KCNN1: variants seen among roughly 807,000 people sequenced by gnomAD.
The protein encoded by KCNN1 is small conductance calcium-activated potassium channel protein 1.
KCNN1 carries 20 observed loss-of-function variants against 44.7 expected under a neutral mutation model. The observed-to-expected ratio is 0.45, with a 90% confidence interval of 0.32 to 0.65. The LOEUF (loss-of-function observed/expected upper bound fraction) is 0.65, where lower values mean the gene tolerates loss of function less well. Among genes scored for constraint, KCNN1 ranks in the 30% least tolerant of loss-of-function variants. The probability of loss-of-function intolerance (pLI) is 0.05; values close to 1 mark genes in which losing one functional copy is unlikely to be tolerated. For synonymous variants in KCNN1, 324 were observed against 341.7 expected (o/e 0.95, Z 0.57); for missense variants, 632 against 785.3 (o/e 0.80, Z 2.33).
At chr19:17,991,742 T>C (rs1370449584) in intron 7 of KCNN1, among the ~76,000 whole-genome samples, 1 of 152,178 alleles carries the variant, frequency 6.6e-6, no homozygotes, top group Non-Finnish European at 1.5e-5. Flanking sequence ...TTGAGTCCAA[T>C]ATGCAGCCAG....
chr19:17,951,589 C>T (rs2031409488), intron 1 of KCNN1, among the ~76,000 whole-genome samples: 1 of 152,156 alleles, frequency 6.6e-6, no homozygotes, highest in South Asian at 2.1e-4. Flanking sequence ...CACCCAAGCC[C>T]GGGCCAGTCA....
chr19:17,983,333 A>G lies in KCNN1; in HGVS notation c.917+1206A>G, dbSNP rs1018674191. 2.6e-5 allele frequency among the ~76,000 whole-genome samples: 4 copies of G among 152,088 alleles called. No homozygotes were observed. Among genetic ancestry groups the G allele is most frequent in the Non-Finnish European group, 4.4e-5 (3 of 67,970 alleles). On this transcript the variant is annotated intron_variant, in intron 4 of 9. Coordinates refer to ENST00000684775, the MANE Select transcript of KCNN1 (RefSeq NM_001386974.1). The surrounding 1 kb of genome is among the most constrained non-coding windows in gnomAD (Gnocchi z 4.5). Reference sequence around the variant, plus strand: ...CCTGGCTGGACCCCTGCTTGCCCTCAGCACCCCATCCTCATCCCTCCACCC... The same window carrying G: ...CCTGGCTGGACCCCTGCTTGCCCTCGGCACCCCATCCTCATCCCTCCACCC...
intron 3 of KCNN1, among the ~76,000 whole-genome samples, chr19:17,980,368 C>T (rs2032364269): frequency 6.6e-6 from 1 of 151,336 alleles, no homozygotes; most frequent in Admixed American, 6.6e-5. Context: ...AGGCAGGAGC[C>T]ACTGCACCCA....
chr19:17,960,155 T>C (rs1228453140), intron 2 of KCNN1, among the ~76,000 whole-genome samples: 1 of 151,146 alleles, frequency 6.6e-6, no homozygotes, highest in East Asian at 1.9e-4. Context: ...GTCAGGCCAG[T>C]TGCAGCTGTA....
rs148740824 is a variant in KCNN1, at chr19:17,985,505, G to A, written c.1059+52G>A. ...TCCTGGGAGGTCCAGCCAGCTGCCC[G>A]CTCCACCAGCCCTTGCATACCCCTT... On this transcript the variant is annotated intron_variant, in intron 5 of 9. Transcript: ENST00000684775. The A allele has an allele frequency of 1.4e-4, 211 of 1,481,062 alleles. 1 individual carries two copies. The East Asian group carries it at 3.6e-3, about 25-fold the overall frequency. The allele number at this position is 1,481,062 out of a possible 1,614,324, so 91.7% of individuals were successfully genotyped here. A position where few individuals can be genotyped will look rare whatever the true frequency, so the allele number is the denominator to read the frequency against.
At chr19:17,982,809 A>G (rs1038725741) in intron 4 of KCNN1, among the ~76,000 whole-genome samples, 2 of 152,048 alleles carry the variant, frequency 1.3e-5, no homozygotes. Flanking sequence ...GGATTAAGGA[A>G]GGGCTTGGCT....
At chr19:17,970,289 A>ATTTTTTTTTTT (rs71164333) in intron 1 of KCNN1, among the ~76,000 whole-genome samples, 5 of 56,930 alleles carry the variant, frequency 8.8e-5, no homozygotes, top group Non-Finnish European at 9.4e-5. Flanking sequence ...AGAAGGAATG[A>ATTTTTTTTTTT]TTTTTTTTTT....
chr19:17,970,289 ATTTTTTTTTTTTTTTTTTTTTTT>A lies in KCNN1; in HGVS notation c.-82+2995_-82+3017del, dbSNP rs71164333. 3.0e-3 allele frequency among the ~76,000 whole-genome samples: 172 copies of A among 56,918 alleles called. 3 individuals carry two copies. The highest frequency in any genetic ancestry group is 0.013 in the South Asian group (19 of 1,506). The allele number at this position is 56,918 out of a possible 152,430, so 37.3% of individuals were successfully genotyped here. On this transcript the variant is annotated intron_variant, in intron 1 of 9. Transcript: ENST00000684775. ...AGGTCACCTGACCATAGAAGGAATGATTTTTTTTTTTTTTTTTTTTTTTTTTTTTTTTTTTTTTTTTTTTTGGA... is the reference window on the plus strand; with the variant it reads ...AGGTCACCTGACCATAGAAGGAATGATTTTTTTTTTTTTTTTTTTTTTGGA...
chr19:17,995,379 G>T (rs2032948173), intron 9 of KCNN1, among the ~76,000 whole-genome samples: 1 of 152,004 alleles, frequency 6.6e-6, no homozygotes. Context: ...TCACCATGTT[G>T]CCCAGGCTGG....
Position 17,992,996 on chromosome 19 carries a change from C to T in KCNN1, c.1299-58C>T, listed in dbSNP as rs1026141632. On this transcript the variant is annotated intron_variant, in intron 7 of 9. Transcript: ENST00000684775. The stretch of plus-strand genomic sequence containing the variant: ...GCAGGGTTGGGTACATGCCGAACAA[C>T]TGTGCTGAGGTTAAAATTGCCTTGT... The T allele has an allele frequency of 1.9e-6, 3 of 1,608,306 alleles. No homozygotes were observed. The African/African-American group carries it at 4.0e-5, about 21-fold the overall frequency.
chr19:17,957,790 T>A (rs1410299642), intron 2 of KCNN1, among the ~76,000 whole-genome samples: 1 of 151,786 alleles, frequency 6.6e-6, no homozygotes, highest in Non-Finnish European at 1.5e-5. Context: ...AGAGGCATGG[T>A]CTCAGTTAGG....
Position 17,957,350 on chromosome 19 carries a change from G to C in KCNN1, c.-82+2669G>C, listed in dbSNP as rs374075462. On this transcript the variant is annotated intron_variant, in intron 2 of 10. Coordinates refer to the KCNN1 transcript ENST00000222249. The stretch of plus-strand genomic sequence containing the variant: ...GGAAGGAAAGAAGGAAGGAAGAAAA[G>C]AAAGAAGAAAGAGGAAGGGAGGGAG... Among the ~76,000 whole-genome samples the C allele has an allele frequency of 1.2e-4, 16 of 133,786 alleles. 1 individual carries two copies. Among genetic ancestry groups the C allele is most frequent in the African/African-American group, 4.6e-4 (16 of 35,080 alleles). The allele number at this position is 133,786 out of a possible 152,430, so 87.8% of individuals were successfully genotyped here. A position where few individuals can be genotyped will look rare whatever the true frequency, so the allele number is the denominator to read the frequency against.
At chr19:17,966,270 G>A (rs1458061483), upstream of KCNN1, among the ~76,000 whole-genome samples, 1 of 152,206 alleles carries the variant, frequency 6.6e-6, no homozygotes, top group Admixed American at 6.5e-5. Context: ...GTGGGGGACA[G>A]AGCTGAACAC....
At chr19:17,953,064 T>C (rs1341345787) in intron 1 of KCNN1, among the ~76,000 whole-genome samples, 4 of 151,990 alleles carry the variant, frequency 2.6e-5, no homozygotes, top group Admixed American at 2.6e-4. Flanking sequence ...TTCCTTACTT[T>C]CTCCAAGTTT....
chr19:17,968,930 G>A (rs1021014187), intron 1 of KCNN1, among the ~76,000 whole-genome samples: 1 of 152,172 alleles, frequency 6.6e-6, no homozygotes, highest in African/African-American at 2.4e-5. Context: ...GGGCTGAAGT[G>A]ATCTCCTGCC....
upstream of KCNN1, among the ~76,000 whole-genome samples, chr19:17,966,091 A>G (rs1476660799): frequency 2.1e-5 from 3 of 145,064 alleles, no homozygotes; most frequent in African/African-American, 2.6e-5. Context: ...CTTCAGTCCA[A>G]CTGTTTTCTG....
chr19:17,969,307 CT>C (rs1318847246), intron 1 of KCNN1, among the ~76,000 whole-genome samples: 1 of 152,188 alleles, frequency 6.6e-6, no homozygotes, highest in Non-Finnish European at 1.5e-5. Context: ...CCTGCCTTTC[CT>C]GGCTGGGTGA....
chr19:17,998,320 C>T lies in KCNN1; in HGVS notation c.1546C>T (p.Pro516Ser), dbSNP rs1437293815. Residue 516 changes from proline (P) to serine (S), a missense_variant, in exon 10 of 10, where the codon CCC (proline) becomes TCC (serine). Transcript: ENST00000684775. This position sits in a 1 kb window ranked among gnomAD's most constrained non-coding sequence, Gnocchi z 5.4. The stretch of plus-strand genomic sequence containing the variant: ...ACGCCCACCCCCGCCTCCCCTGCCT[C>T]CCAGGCCCGGCCCCGGCCCCCAAGA... ...AIRPPPPPLP[P>S]RPGPGPQDQA... is the part of the protein sequence containing the mutation. 3 of 1,538,642 alleles carry T rather than the reference C, an allele frequency of 1.9e-6. No homozygotes were observed. The highest frequency in any genetic ancestry group is 2.4e-5 in the South Asian group (2 of 84,396).
At chr19:17,984,250 C>T (rs1228662500) in intron 4 of KCNN1, among the ~76,000 whole-genome samples, 1 of 152,086 alleles carries the variant, frequency 6.6e-6, no homozygotes, top group Non-Finnish European at 1.5e-5. Context: ...GAGTGGCATT[C>T]GACTTCCGCG....
Sources: allele counts gnomAD v4.1 joint callset (sites outside exome capture counted in the v4.1 genomes callset), GRCh38; gene constraint gnomAD v4.1.1; non-coding constraint Gnocchi (gnomAD v3.1); transcripts MANE v1.5; gene names NCBI Gene and HGNC (gene_info 2026-07-23, HGNC 2026-07-21).